CCNY: variants seen among roughly 807,000 people sequenced by gnomAD.
CCNY encodes cyclin-Y.
CCNY carries 19 observed loss-of-function variants against 42.8 expected under a neutral mutation model. The observed-to-expected ratio is 0.44, with a 90% confidence interval of 0.31 to 0.65. The LOEUF is 0.65. CCNY is among the 30% of genes least tolerant of loss of function. The probability of loss-of-function intolerance (pLI) is 0.07; values close to 1 mark genes in which losing one functional copy is unlikely to be tolerated. For missense variants in CCNY, 370 were observed against 437.3 expected (o/e 0.85, Z 1.37); for synonymous variants, 165 against 162.7 (o/e 1.01, Z -0.11).
At chr10:35,275,056 C>CTTTTTTTTTTTTTT (rs34467762) in intron 3 of CCNY, among the ~76,000 whole-genome samples, 1 of 64,898 alleles carries the variant, frequency 1.5e-5, no homozygotes, top group Non-Finnish European at 2.6e-5. Flanking sequence ...ACCGTCATTC[C>CTTTTTTTTTTTTTT]TTTTTTTTTT....
chr10:35,280,433 AG>A (rs1835287239), intron 3 of CCNY, among the ~76,000 whole-genome samples: 6 of 149,188 alleles, frequency 4.0e-5, no homozygotes, highest in Admixed American at 3.4e-4. Flanking sequence ...AGGAAAGGGG[AG>A]GAAGGAAAGA....
chr10:35,532,371 T>G (rs1484011194), intron 7 of CCNY, among the ~76,000 whole-genome samples: 1 of 152,186 alleles, frequency 6.6e-6, no homozygotes, highest in Admixed American at 6.5e-5. Context: ...CAGCAGGCAA[T>G]GGAGGAGGAA....
At chr10:35,250,316 G>T (rs528470507) in intron 2 of CCNY, among the ~76,000 whole-genome samples, 2 of 152,080 alleles carry the variant, frequency 1.3e-5, no homozygotes, top group South Asian at 4.2e-4. Context: ...AGTGAGTCAA[G>T]ATCGCACCAC....
intron 3 of CCNY, among the ~76,000 whole-genome samples, chr10:35,288,224 T>C (rs570355738): frequency 1.3e-5 from 2 of 152,326 alleles, no homozygotes; most frequent in East Asian, 3.9e-4. Flanking sequence ...TTGAACATCC[T>C]TTCATGTGCT....
intron 1 of CCNY, among the ~76,000 whole-genome samples, chr10:35,469,745 T>C (rs994837329): frequency 1.7e-5 from 2 of 116,494 alleles, no homozygotes; most frequent in African/African-American, 6.9e-5. Flanking sequence ...GACAGGGAAA[T>C]GGGGAGACAG....
intron 1 of CCNY, among the ~76,000 whole-genome samples, chr10:35,339,026 TC>T (rs1306882257): frequency 6.6e-6 from 1 of 152,222 alleles, no homozygotes; most frequent in Non-Finnish European, 1.5e-5. Context: ...TTTGGAAGAC[TC>T]TTTTGCAGAT....
rs138325973 is a variant in CCNY at position 35,566,128 on chromosome 10, G to A, written c.852G>A (p.Ala284=). The A allele has an allele frequency of 9.9e-6, 16 of 1,614,198 alleles. No homozygotes were observed. The African/African-American group carries it at 1.3e-4, about 13-fold the overall frequency. The change falls in exon 9 of 10, where the codon GCG becomes GCA. Residue 284 remains alanine (A), a synonymous_variant. Transcript: ENST00000374704. The part of the protein sequence containing the change: ...YYFDLRSLAE[A]NNLSFPLEPL... ...TTGATCTTCGTTCTCTGGCAGAAGC[G>A]AACAACCTGAGCTTTCCCTTGGAGC... is the stretch of plus-strand genomic sequence containing the variant.
intron 7 of CCNY, among the ~76,000 whole-genome samples, chr10:35,537,412 C>T (rs1042767517): frequency 3.9e-5 from 6 of 152,198 alleles, no homozygotes; most frequent in Non-Finnish European, 8.8e-5. Context: ...GGGCCACCAT[C>T]CTCCAGACCC....
chr10:35,314,624 C>G (rs1342675553), intron 3 of CCNY: 1 of 151,878 alleles, frequency 6.6e-6, no homozygotes, highest in Non-Finnish European at 1.5e-5. Flanking sequence ...ATTTTATTTC[C>G]ATTTTTCTCA....
At chr10:35,446,008 C>G in intron 1 of CCNY, among the ~76,000 whole-genome samples, 1 of 152,256 alleles carries the variant, frequency 6.6e-6, no homozygotes, top group African/African-American at 2.4e-5. Flanking sequence ...TAAGAAAAGT[C>G]GTTGGGCAGA....
At chr10:35,415,661 A>G (rs185606370) in intron 1 of CCNY, among the ~76,000 whole-genome samples, 3,921 of 152,310 alleles carry the variant, frequency 0.026, 57 homozygotes, top group Non-Finnish European at 0.04. Flanking sequence ...ACAAGAAAGG[A>G]TGCGAGTCGA....
chr10:35,416,546 A>G (rs1403849471), intron 1 of CCNY, among the ~76,000 whole-genome samples: 1 of 152,230 alleles, frequency 6.6e-6, no homozygotes, highest in Non-Finnish European at 1.5e-5. Context: ...ATGACGTATA[A>G]TTACCTAGTT....
chr10:35,496,507 T>G (rs1840006049), intron 2 of CCNY, among the ~76,000 whole-genome samples: 1 of 152,166 alleles, frequency 6.6e-6, no homozygotes, highest in African/African-American at 2.4e-5. Context: ...TGGCTAACAC[T>G]TGCCATTGGA....
Position 35,569,449 on chromosome 10 carries a change from C to T in CCNY, c.*279C>T, listed in dbSNP as rs751306525. ...GGAGGAAATAAAGGGAAAGGGAAGT[C>T]GTGGAGAGGCAGGGAAAATGGTTAA... is the stretch of plus-strand genomic sequence containing the variant. On this transcript the variant is annotated 3_prime_UTR_variant, in exon 10 of 10. Coordinates refer to ENST00000374704, the MANE Select transcript of CCNY (RefSeq NM_145012.6). 1.6e-4 allele frequency: 72 copies of T among 456,230 alleles called. No individual in the cohort carries two copies. Among genetic ancestry groups the T allele is most frequent in the Admixed American group, 4.8e-4 (14 of 29,360 alleles). 28.3% of individuals were successfully genotyped at this position (456,230 alleles called of 1,614,324 possible). A position where few individuals can be genotyped will look rare whatever the true frequency, so the allele number is the denominator to read the frequency against.
chr10:35,399,473 C>T (rs1455753208), intron 1 of CCNY, among the ~76,000 whole-genome samples: 2 of 152,266 alleles, frequency 1.3e-5, no homozygotes, highest in East Asian at 3.9e-4. Flanking sequence ...GCCTGCCTGC[C>T]AGGTGGCCGA....
chr10:35,312,768 T>TA (rs1554775494), intron 3 of CCNY, among the ~76,000 whole-genome samples: 125 of 147,624 alleles, frequency 8.5e-4, no homozygotes, highest in African/African-American at 2.3e-3. Flanking sequence ...TTTTTTTTTT[T>TA]AGAGTTGGGG....
chr10:35,521,415 G>A (rs1840543341), intron 4 of CCNY, among the ~76,000 whole-genome samples: 1 of 152,208 alleles, frequency 6.6e-6, no homozygotes, highest in Non-Finnish European at 1.5e-5. Flanking sequence ...TTTGATAAGG[G>A]TGGTAAGAGC....
Position 35,460,550 on chromosome 10 carries a change from A to G in CCNY, c.155-22854A>G, listed in dbSNP as rs531468936. Among the ~76,000 whole-genome samples, 136 of 152,362 alleles carry G rather than the reference A, an allele frequency of 8.9e-4. 1 individual carries two copies. Among genetic ancestry groups the G allele is most frequent in the Non-Finnish European group, 9.4e-4 (64 of 68,028 alleles). On this transcript the variant is annotated intron_variant, in intron 1 of 9. Transcript: ENST00000374704. ...TGCCTGGATACAGTGCCTGGCACAT[A>G]ACATTCATTCAGTAAGCATCAAGCT...
Position 35,336,720 on chromosome 10 carries a change from G to T in CCNY, c.-334G>T, listed in dbSNP as rs1836040262. On this transcript the variant is annotated 5_prime_UTR_variant, in exon 1 of 10. Transcript: ENST00000374704. ...GAAGCGCGGGGGGGAGGCGGCCTGC[G>T]CGGCGCCGCCCGCCATGGCCGCGGC... Among the ~76,000 whole-genome samples, 1 of 147,062 alleles carries T rather than the reference G, an allele frequency of 6.8e-6. No homozygotes were observed. Among genetic ancestry groups the T allele is most frequent in the African/African-American group, 2.4e-5 (1 of 40,896 alleles).
Sources: gnomAD v4.1 joint callset for allele counts (sites outside exome capture counted in the v4.1 genomes callset) on GRCh38, gnomAD v4.1.1 for gene constraint, MANE v1.5 for transcripts, NCBI Gene and HGNC (gene_info 2026-07-23, HGNC 2026-07-21) for gene names.